The following CSMD1 variants were observed in gnomAD, a reference collection of about 807,000 sequenced individuals.
The protein encoded by CSMD1 is CUB and Sushi multiple domains 1.
In CSMD1, 213 loss-of-function variants were observed where a neutral mutation model predicts 417.5. That is an observed-to-expected ratio of 0.51 (90% CI 0.46 to 0.57). CSMD1 has a LOEUF of 0.57. Among genes scored for constraint, CSMD1 ranks in the 20% least tolerant of loss-of-function variants. CSMD1 has a pLI of 0.00. For synonymous variants in CSMD1, 2,862 were observed against 1,736.8 expected (o/e 1.65, Z -16.11); for missense variants, 6,923 against 4,529.7 (o/e 1.53, Z -15.17).
intron 3 of CSMD1, among the ~76,000 whole-genome samples, chr8:4,380,145 A>G (rs970697526): frequency 2.6e-5 from 4 of 152,248 alleles, no homozygotes; most frequent in East Asian, 1.9e-4. Flanking sequence ...GTTTCTACAT[A>G]TCTGCCCTCA....
chr8:4,554,684 A>G (rs1358575289), intron 2 of CSMD1, among the ~76,000 whole-genome samples: 1 of 152,220 alleles, frequency 6.6e-6, no homozygotes, highest in Non-Finnish European at 1.5e-5. Flanking sequence ...TGTGATAAGA[A>G]TCATCATAAA....
At chr8:4,319,767 C>G (rs76746055) in intron 3 of CSMD1, among the ~76,000 whole-genome samples, 29,627 of 151,946 alleles carry the variant, frequency 0.19, 3,021 homozygotes, top group Non-Finnish European at 0.23. Flanking sequence ...CTAGAGTTGC[C>G]GGGCAAAATA....
At chr8:4,214,075 G>A (rs1382999593) in intron 3 of CSMD1, among the ~76,000 whole-genome samples, 1 of 152,104 alleles carries the variant, frequency 6.6e-6, no homozygotes, top group Non-Finnish European at 1.5e-5. Context: ...CTGACCTACT[G>A]AATTATCCAG....
At chr8:4,168,155 AC>A (rs2131124718) in intron 3 of CSMD1, among the ~76,000 whole-genome samples, 1 of 148,312 alleles carries the variant, frequency 6.7e-6, no homozygotes, top group Admixed American at 6.7e-5. Flanking sequence ...ATACACACAC[AC>A]ACACACACAC....
intron 33 of CSMD1, among the ~76,000 whole-genome samples, chr8:3,190,987 A>G (rs1796386393): frequency 6.6e-6 from 1 of 152,196 alleles, no homozygotes; most frequent in Non-Finnish European, 1.5e-5. Flanking sequence ...ATGGGAAGCA[A>G]CTGTTGAGTG....
intron 1 of CSMD1, among the ~76,000 whole-genome samples, chr8:4,830,997 T>C (rs1004158691): frequency 6.6e-5 from 10 of 152,198 alleles, no homozygotes; most frequent in African/African-American, 2.4e-4. Flanking sequence ...AGGCCCTTCA[T>C]TTTAAGGGCT....
rs1808990227 is a variant in CSMD1, at chr8:3,359,133, A to G, written c.3304+19T>C. The G allele has an allele frequency of 1.2e-6, 2 of 1,613,016 alleles. No individual in the cohort carries two copies. The highest frequency in any genetic ancestry group is 1.7e-6 in the Non-Finnish European group (2 of 1,179,268). On this transcript the variant is annotated intron_variant, in intron 21 of 69. Transcript: ENST00000635120. ...CCTGCCCCCATGGATGAATGAAATG[A>G]AAGCGTGTGACCACCTACCCACACA...
At chr8:3,569,096 C>A (rs533604906) in intron 10 of CSMD1, among the ~76,000 whole-genome samples, 1 of 152,152 alleles carries the variant, frequency 6.6e-6, no homozygotes, top group East Asian at 1.9e-4. Context: ...GACTTTCTAC[C>A]AGAATACCCT....
At chr8:3,149,550 T>C (rs925401262) in intron 40 of CSMD1, among the ~76,000 whole-genome samples, 1 of 152,214 alleles carries the variant, frequency 6.6e-6, no homozygotes, top group Non-Finnish European at 1.5e-5. Flanking sequence ...TGATCGTGGC[T>C]CACTGCAACC....
chr8:4,150,582 A>G (rs980668084), intron 3 of CSMD1, among the ~76,000 whole-genome samples: 10 of 152,216 alleles, frequency 6.6e-5, no homozygotes, highest in African/African-American at 2.4e-4. Context: ...TAACTCAGGT[A>G]CAGGTAAAAC....
intron 3 of CSMD1, among the ~76,000 whole-genome samples, chr8:4,339,145 A>G (rs1800337068): frequency 6.6e-6 from 1 of 152,124 alleles, no homozygotes; most frequent in African/African-American, 2.4e-5. Context: ...TACAAATGCT[A>G]TCAGCTATGA....
intron 3 of CSMD1, among the ~76,000 whole-genome samples, chr8:4,096,714 G>C (rs146715953): frequency 5.5e-4 from 84 of 152,280 alleles, no homozygotes; most frequent in African/African-American, 5.1e-4. Context: ...CTAATCCATA[G>C]GTAATCATCT....
At chr8:2,951,324 A>C (rs1802613800) in intron 65 of CSMD1, 49 bp from the exon 66 acceptor site, 3 of 1,534,978 alleles carry the variant, frequency 2.0e-6, no homozygotes, top group Non-Finnish European at 2.6e-6. Flanking sequence ...CACAAACAAT[A>C]AATTCAGACA....
intron 23 of CSMD1, among the ~76,000 whole-genome samples, chr8:3,312,461 T>C (rs982507338): frequency 4.6e-5 from 7 of 152,168 alleles, no homozygotes; most frequent in Non-Finnish European, 7.3e-5. Context: ...CATTCCTCTT[T>C]CCTGTCAGAA....
At chr8:4,121,063 C>G (rs2130943030) in intron 3 of CSMD1, among the ~76,000 whole-genome samples, 1 of 151,920 alleles carries the variant, frequency 6.6e-6, no homozygotes, top group Middle Eastern at 3.4e-3. Context: ...TCTTTTCTGA[C>G]TGGGTCTGTT....
chr8:3,585,678 A>G (rs1243708245), intron 9 of CSMD1, among the ~76,000 whole-genome samples: 1 of 152,224 alleles, frequency 6.6e-6, no homozygotes, highest in African/African-American at 2.4e-5. Flanking sequence ...AAGATCATTT[A>G]TTAATAAAAT....
intron 2 of CSMD1, among the ~76,000 whole-genome samples, chr8:4,467,213 G>A (rs999898106): frequency 1.3e-5 from 2 of 150,978 alleles, no homozygotes; most frequent in Middle Eastern, 7.0e-3. Flanking sequence ...CAGTTTCCTT[G>A]TGTCTGCACA....
At position 3,018,760 on chromosome 8, in the gene CSMD1, C is replaced by G. The variant is rs2128968774; in HGVS notation, c.7856-110G>C. The G allele has an allele frequency of 2.0e-6, 2 of 1,001,242 alleles. 1 individual carries two copies. The highest frequency in any genetic ancestry group is 3.3e-5 in the South Asian group (2 of 60,104). The allele number at this position is 1,001,242 out of a possible 1,614,324, so 62.0% of individuals were successfully genotyped here. A position where few individuals can be genotyped will look rare whatever the true frequency, so the allele number is the denominator to read the frequency against. ...AAAAAACCAAAAAACTATTTTTAGTCTTAATTTTCACTAAGAACATGGTTG... is the reference window on the plus strand; with the variant it reads ...AAAAAACCAAAAAACTATTTTTAGTGTTAATTTTCACTAAGAACATGGTTG... On this transcript the variant is annotated intron_variant, in intron 51 of 69. Transcript: ENST00000635120.
At chr8:3,125,435 A>G (rs1817453055) in intron 41 of CSMD1, among the ~76,000 whole-genome samples, 1 of 152,234 alleles carries the variant, frequency 6.6e-6, no homozygotes, top group Non-Finnish European at 1.5e-5. Context: ...TTGTAAACAT[A>G]TAAAAAGTTT....
Sources: gnomAD v4.1 joint callset for allele counts (sites outside exome capture counted in the v4.1 genomes callset) on GRCh38, gnomAD v4.1.1 for gene constraint, MANE v1.5 for transcripts, NCBI Gene and HGNC (gene_info 2026-07-23, HGNC 2026-07-21) for gene names.